Variants in DSCAM observed in about 807,000 individuals in gnomAD.
DSCAM encodes the protein DS cell adhesion molecule.
In DSCAM, 47 loss-of-function variants were observed where a neutral mutation model predicts 217.7. The ratio of observed to expected loss-of-function variants is 0.22; its 90% confidence interval spans 0.17 to 0.28. DSCAM has a LOEUF of 0.28. Among genes scored for constraint, DSCAM ranks in the 10% least tolerant of loss-of-function variants. The pLI, the probability that DSCAM is intolerant of heterozygous loss-of-function variation, is 1.00. For synonymous variants in DSCAM, 1,056 were observed against 1,015.3 expected (o/e 1.04, Z -0.76); for missense variants, 2,080 against 2,618.3 (o/e 0.79, Z 4.49).
chr21:40,123,090 G>A (rs1392207117), intron 20 of DSCAM, among the ~76,000 whole-genome samples: 1 of 152,166 alleles, frequency 6.6e-6, no homozygotes, highest in East Asian at 1.9e-4. Context: ...GGTCCCTAGA[G>A]GAGTCAAATC....
intron 3 of DSCAM, among the ~76,000 whole-genome samples, chr21:40,590,243 C>T (rs1037163021): frequency 1.3e-5 from 2 of 152,208 alleles, no homozygotes; most frequent in African/African-American, 4.8e-5. Context: ...AAAATATTAA[C>T]ATGATATGGA....
intron 3 of DSCAM, among the ~76,000 whole-genome samples, chr21:40,650,605 A>T (rs1382666878): frequency 6.8e-6 from 1 of 146,466 alleles, no homozygotes; most frequent in Non-Finnish European, 1.5e-5. Context: ...GAGCTGGGAC[A>T]TCTGTCTTCA....
At chr21:40,766,024 C>T (rs981378910) in intron 1 of DSCAM, among the ~76,000 whole-genome samples, 4 of 152,232 alleles carry the variant, frequency 2.6e-5, no homozygotes, top group African/African-American at 9.6e-5. Flanking sequence ...AGGCAGGGAG[C>T]TCGTGACAGC....
At chr21:40,188,219 T>C (rs890000837) in intron 12 of DSCAM, among the ~76,000 whole-genome samples, 6 of 152,182 alleles carry the variant, frequency 3.9e-5, no homozygotes, top group African/African-American at 1.4e-4. Context: ...TAATTGAAAG[T>C]AGGCGGATGG....
intron 14 of DSCAM, among the ~76,000 whole-genome samples, chr21:40,180,194 C>A (rs182773382): frequency 1.3e-5 from 2 of 152,272 alleles, no homozygotes; most frequent in Admixed American, 1.3e-4. Context: ...AATACATGGA[C>A]CTCTGAGTCT....
chr21:40,220,190 G>A (rs2091278321), intron 11 of DSCAM, among the ~76,000 whole-genome samples: 1 of 152,194 alleles, frequency 6.6e-6, no homozygotes, highest in East Asian at 1.9e-4. Context: ...AGCAGGCTTT[G>A]GGAAGATGTG....
At chr21:40,302,669 G>A (rs571702992) in intron 9 of DSCAM, among the ~76,000 whole-genome samples, 1 of 152,134 alleles carries the variant, frequency 6.6e-6, no homozygotes, top group Non-Finnish European at 1.5e-5. Flanking sequence ...CAGCACTCCT[G>A]TCTCCCCAAA....
intron 10 of DSCAM, 141 bp downstream of exon 10, chr21:40,295,914 T>A: frequency 9.6e-7 from 1 of 1,044,592 alleles, no homozygotes; most frequent in East Asian, 2.7e-5. Flanking sequence ...GGAATGTCTA[T>A]GAGAGAATGA....
In DSCAM at chr21:40,698,766, C is replaced by T. The variant is rs569232443; in HGVS notation, c.362-5810G>A. On this transcript the variant is annotated intron_variant, in intron 2 of 32. Transcript: ENST00000400454. ...ATGCCTGTAATCCCAGCTACTAGTG[C>T]GGCTGAGGCAGGAGAATCACTTGAA... 5.3e-5 allele frequency among the ~76,000 whole-genome samples: 8 copies of T among 149,704 alleles called. No homozygotes were observed. In the Admixed American group the frequency reaches 5.4e-4, roughly 10 times the overall value.
At chr21:40,156,936 CT>C (rs1385669314) in intron 16 of DSCAM, among the ~76,000 whole-genome samples, 2 of 152,072 alleles carry the variant, frequency 1.3e-5, no homozygotes, top group African/African-American at 4.8e-5. Context: ...TCAGATGAGA[CT>C]CTCTCAGTTG....
chr21:40,061,716 C>T (rs75198283), intron 28 of DSCAM, among the ~76,000 whole-genome samples: 1,633 of 152,200 alleles, frequency 0.011, 27 homozygotes, highest in African/African-American at 0.037. Flanking sequence ...CTACTGCCTT[C>T]GGTCTTCAAA....
intron 3 of DSCAM, among the ~76,000 whole-genome samples, chr21:40,579,471 G>A (rs1005844609): frequency 6.6e-5 from 10 of 152,038 alleles, no homozygotes; most frequent in African/African-American, 4.8e-5. Context: ...GGAAGAAGAC[G>A]AAAGAAGAGA....
intron 3 of DSCAM, among the ~76,000 whole-genome samples, chr21:40,444,459 T>C (rs1368910308): frequency 6.6e-6 from 1 of 152,232 alleles, no homozygotes; most frequent in Non-Finnish European, 1.5e-5. Flanking sequence ...ATCTGGTACC[T>C]GGAGGCAAGT....
intron 3 of DSCAM, among the ~76,000 whole-genome samples, chr21:40,378,554 A>ATTTTTTTTTTTTTTTTTTT (rs71186931): frequency 1.3e-5 from 1 of 75,650 alleles, no homozygotes; most frequent in Non-Finnish European, 2.5e-5. Context: ...ATGAAAACTT[A>ATTTTTTTTTTTTTTTTTTT]TTTTTTTTTT....
intron 1 of DSCAM, among the ~76,000 whole-genome samples, chr21:40,742,405 A>G (rs2091133011): frequency 6.6e-6 from 1 of 152,198 alleles, no homozygotes; most frequent in Admixed American, 6.5e-5. Context: ...AAGGAATATG[A>G]GGAGCACCAC....
intron 1 of DSCAM, among the ~76,000 whole-genome samples, chr21:40,805,693 A>G (rs2091779930): frequency 6.8e-6 from 1 of 147,878 alleles, no homozygotes; most frequent in South Asian, 2.3e-4. Flanking sequence ...TTTATTAAAC[A>G]CAATGTTTTC....
chr21:40,746,522 C>A (rs1034719847), intron 1 of DSCAM, among the ~76,000 whole-genome samples: 1 of 151,708 alleles, frequency 6.6e-6, no homozygotes, highest in Non-Finnish European at 1.5e-5. Context: ...TATGTATGCA[C>A]CCAAAACTGG....
chr21:40,528,395 T>G (rs1365170568), intron 3 of DSCAM, among the ~76,000 whole-genome samples: 1 of 152,212 alleles, frequency 6.6e-6, no homozygotes, highest in East Asian at 1.9e-4. Context: ...GGCCTGTTAT[T>G]TTGTTATACA....
intron 1 of DSCAM, among the ~76,000 whole-genome samples, chr21:40,766,741 G>C (rs892440772): frequency 6.9e-6 from 1 of 145,706 alleles, no homozygotes; most frequent in Non-Finnish European, 1.5e-5. Flanking sequence ...TCAGTCTGGA[G>C]TGCAGTGGTG....
Sources: gnomAD v4.1 joint callset for allele counts (sites outside exome capture counted in the v4.1 genomes callset) on GRCh38, gnomAD v4.1.1 for gene constraint, MANE v1.5 for transcripts, NCBI Gene and HGNC (gene_info 2026-07-23, HGNC 2026-07-21) for gene names.